The following SLC8A1 variants were observed in gnomAD, a reference collection of about 807,000 sequenced individuals.
SLC8A1 encodes solute carrier family 8 member A1.
A neutral mutation model predicts 68.3 loss-of-function variants in SLC8A1; 18 were observed. That is an observed-to-expected ratio of 0.26 (90% CI 0.18 to 0.39). The LOEUF is 0.39. Ranked by LOEUF, SLC8A1 falls within the 10% of genes least tolerant of loss-of-function variation. SLC8A1 has a pLI of 1.00. For missense variants in SLC8A1, 985 were observed against 1,156.7 expected (o/e 0.85, Z 2.15); for synonymous variants, 475 against 415.5 (o/e 1.14, Z -1.74).
Position 40,170,308 on chromosome 2 carries a change from T to G in SLC8A1, c.1930+4517A>C, listed in dbSNP as rs777302393. The G allele has an allele frequency of 5.6e-6, 9 of 1,614,062 alleles. No individual in the cohort carries two copies. The Admixed American group carries it at 1.5e-4, about 27-fold the overall frequency. ...GCAATGGTGATTACAGTAGAGAGAA[T>G]CGGATGTTCTCTAGCATGAACCTTC... On this transcript the variant is annotated intron_variant, in intron 4 of 7. Coordinates refer to ENST00000406785, the Ensembl canonical transcript of SLC8A1.
chr2:40,198,861 G>T (rs1011439505), intron 2 of SLC8A1, among the ~76,000 whole-genome samples: 6 of 151,462 alleles, frequency 4.0e-5, no homozygotes, highest in African/African-American at 1.2e-4. Context: ...CTGATACAGG[G>T]TTGAAGGGTT....
chr2:40,462,032 A>T (rs190424544), intron 1 of SLC8A1, among the ~76,000 whole-genome samples: 1,340 of 42,992 alleles, frequency 0.031, 37 homozygotes, highest in African/African-American at 0.11. Flanking sequence ...TTTGAGGTGG[A>T]GTCTCACTCT....
upstream of SLC8A1, chr2:40,453,468 C>T (rs1282901350): frequency 6.6e-6 from 1 of 152,178 alleles, no homozygotes. Flanking sequence ...CTCAGTTTGC[C>T]TCCGCAACAA....
chr2:40,450,184 G>A lies in SLC8A1; in HGVS notation c.-25+1720C>T, dbSNP rs183244866. Among the ~76,000 whole-genome samples, 12 of 152,186 alleles carry A rather than the reference G, an allele frequency of 7.9e-5. No homozygotes were observed. The East Asian group carries it at 1.9e-3, about 25-fold the overall frequency. ...AATTAAGCAAGTTTAGCAAACCCAGGGAGCTCAATCCAAGTAACACAGGAT... is the reference window on the plus strand; with the variant it reads ...AATTAAGCAAGTTTAGCAAACCCAGAGAGCTCAATCCAAGTAACACAGGAT... On this transcript the variant is annotated intron_variant, in intron 1 of 7. Coordinates refer to ENST00000406785, the Ensembl canonical transcript of SLC8A1.
At chr2:40,408,146 T>G (rs1397473916) in intron 2 of SLC8A1, among the ~76,000 whole-genome samples, 2 of 152,222 alleles carry the variant, frequency 1.3e-5, no homozygotes, top group African/African-American at 4.8e-5. Flanking sequence ...TTCTACCCTT[T>G]CTTCCCTATC....
intron 2 of SLC8A1, among the ~76,000 whole-genome samples, chr2:40,273,932 G>A (rs1447572543): frequency 6.7e-6 from 1 of 149,064 alleles, no homozygotes; most frequent in East Asian, 2.0e-4. Context: ...AGGGAGAGGT[G>A]CTTCTACTTC....
chr2:40,279,726 C>T (rs2067238560), intron 2 of SLC8A1, among the ~76,000 whole-genome samples: 1 of 152,166 alleles, frequency 6.6e-6, no homozygotes, highest in South Asian at 2.1e-4. Flanking sequence ...GTAAAGTACA[C>T]TGGCATGCAA....
At chr2:40,374,853 A>C (rs185011900) in intron 2 of SLC8A1, among the ~76,000 whole-genome samples, 1 of 152,218 alleles carries the variant, frequency 6.6e-6, no homozygotes, top group Non-Finnish European at 1.5e-5. Flanking sequence ...ACTTTTTTTA[A>C]GAATTGAGAC....
At chr2:40,310,578 G>C (rs559157474) in intron 2 of SLC8A1, among the ~76,000 whole-genome samples, 1 of 152,284 alleles carries the variant, frequency 6.6e-6, no homozygotes, top group East Asian at 1.9e-4. Flanking sequence ...TGACTTCAGA[G>C]TTCTCTGTCA....
intron 2 of SLC8A1, among the ~76,000 whole-genome samples, chr2:40,188,764 T>C (rs1329362362): frequency 2.0e-5 from 3 of 152,208 alleles, no homozygotes; most frequent in Non-Finnish European, 2.9e-5. Flanking sequence ...TTAAAATTCA[T>C]ATTCTCTTTC....
chr2:40,476,318 C>A (rs540635936), intron 1 of SLC8A1, among the ~76,000 whole-genome samples: 48 of 152,168 alleles, frequency 3.2e-4, no homozygotes, highest in Non-Finnish European at 8.8e-5. Context: ...CTTCTTCATA[C>A]CTGCTGGATA....
At chr2:40,194,389 A>T (rs545801406) in intron 2 of SLC8A1, among the ~76,000 whole-genome samples, 1 of 151,918 alleles carries the variant, frequency 6.6e-6, no homozygotes, top group South Asian at 2.1e-4. Flanking sequence ...ATGAAAATTT[A>T]CAAGTTGAGG....
At chr2:40,118,765 G>A (rs1406976086) in intron 7 of SLC8A1, among the ~76,000 whole-genome samples, 4 of 151,996 alleles carry the variant, frequency 2.6e-5, no homozygotes, top group South Asian at 4.2e-4. Context: ...GGTAGCACTG[G>A]CTGGTGGTGA....
intron 5 of SLC8A1, among the ~76,000 whole-genome samples, chr2:40,162,452 A>G (rs1269760882): frequency 1.3e-5 from 2 of 152,214 alleles, no homozygotes; most frequent in African/African-American, 4.8e-5. Flanking sequence ...GAAATAAACA[A>G]TTGAACAGAT....
intron 2 of SLC8A1, among the ~76,000 whole-genome samples, chr2:40,280,344 C>T (rs2149182308): frequency 6.6e-6 from 1 of 151,364 alleles, no homozygotes; most frequent in African/African-American, 2.4e-5. Context: ...AACATCTGTC[C>T]TAATGGAAAA....
At chr2:40,253,223 A>G (rs2063260505) in intron 2 of SLC8A1, among the ~76,000 whole-genome samples, 1 of 149,878 alleles carries the variant, frequency 6.7e-6, no homozygotes, top group African/African-American at 2.4e-5. Context: ...ACATATTTAC[A>G]TATACATACA....
At chr2:40,495,598 T>G (rs937129093) in intron 1 of SLC8A1, among the ~76,000 whole-genome samples, 1 of 152,044 alleles carries the variant, frequency 6.6e-6, no homozygotes, top group East Asian at 1.9e-4. Flanking sequence ...CAATGAGAAC[T>G]TCGTGACAAA....
In SLC8A1 at chr2:40,437,888, A is replaced by G. The variant is rs183405161; in HGVS notation, c.-24-7584T>C. On this transcript the variant is annotated intron_variant, in intron 1 of 7. Transcript: ENST00000406785. Reference sequence around the variant, plus strand: ...ATATCTCCAAAGGAGCTTGTATTCTAGTGGGGCACTGGCAGAATCAAGGAG... The same window carrying G: ...ATATCTCCAAAGGAGCTTGTATTCTGGTGGGGCACTGGCAGAATCAAGGAG... Among the ~76,000 whole-genome samples, 184 of 152,268 alleles carry G rather than the reference A, an allele frequency of 1.2e-3. 1 individual carries two copies. Among genetic ancestry groups the G allele is most frequent in the Middle Eastern group, 6.8e-3 (2 of 294 alleles).
At chr2:40,319,834 T>C (rs1374340789) in intron 2 of SLC8A1, among the ~76,000 whole-genome samples, 2 of 152,116 alleles carry the variant, frequency 1.3e-5, no homozygotes, top group South Asian at 2.1e-4. Flanking sequence ...ATTTCTTAAA[T>C]AATATGACCT....
Sources: gnomAD v4.1 joint callset for allele counts (sites outside exome capture counted in the v4.1 genomes callset) on GRCh38, gnomAD v4.1.1 for gene constraint, MANE v1.5 for transcripts, NCBI Gene and HGNC (gene_info 2026-07-23, HGNC 2026-07-21) for gene names.